The following CFAP92 variants were observed in gnomAD, a reference collection of about 807,000 sequenced individuals.
CFAP92 encodes cilia and flagella associated protein 92 (putative).
A neutral mutation model predicts 106.3 loss-of-function variants in CFAP92; 86 were observed. The observed-to-expected ratio is 0.81, with a 90% CI of 0.68 to 0.97. The LOEUF (loss-of-function observed/expected upper bound fraction) is 0.97. CFAP92 is among the 50% of genes least tolerant of loss of function. The pLI is 0.00. For synonymous variants in CFAP92, 477 were observed against 506.4 expected (o/e 0.94, Z 0.78); for missense variants, 1,204 against 1,283.8 (o/e 0.94, Z 0.95).
intron 9 of CFAP92, among the ~76,000 whole-genome samples, chr3:128,946,801 G>A (rs951265891): frequency 1.3e-5 from 2 of 151,998 alleles, no homozygotes; most frequent in Non-Finnish European, 2.9e-5. Context: ...CACAGAACAC[G>A]TAAAGACAAA....
intron 9 of CFAP92, among the ~76,000 whole-genome samples, chr3:128,956,184 T>TAAAAAAAAAAAAAAAAAA (rs369899266): frequency 4.1e-5 from 2 of 49,282 alleles, no homozygotes; most frequent in Non-Finnish European, 7.6e-5. Flanking sequence ...AAAAATAAAT[T>TAAAAAAAAAAAAAAAAAA]AAAAAAAAAA....
intron 15 of CFAP92, among the ~76,000 whole-genome samples, chr3:128,911,897 C>T (rs1411687496): frequency 1.3e-5 from 2 of 152,244 alleles, no homozygotes; most frequent in Admixed American, 1.3e-4. Context: ...AGGCCTTGGC[C>T]TAGAGAACAG....
Position 128,945,588 on chromosome 3 carries a change from T to G in CFAP92, c.1741A>C (p.Asn581His). 1 of 1,536,106 alleles carries G rather than the reference T, an allele frequency of 6.5e-7. No homozygotes were observed. Among genetic ancestry groups the G allele is most frequent in the South Asian group, 1.2e-5 (1 of 84,060 alleles). ...CAGCTGTGGATGGGGACGGCCAGAT[T>G]CAAGTACTTGTGGCCAAGGAGGAGG... ...ADLLLGHKYL[N>H]LAVPIHSCEV... is the part of the protein sequence containing the mutation. Residue 581 changes from asparagine to histidine, a missense_variant, in exon 10 of 16, where the codon AAT becomes CAT. By Grantham distance (68) the Asn-to-His change is moderately conservative. Transcript: ENST00000645291.
At chr3:129,002,029 G>A in intron 1 of CFAP92, 3 of 1,544,200 alleles carry the variant, frequency 1.9e-6, no homozygotes, top group Non-Finnish European at 2.6e-6. Context: ...CTGGCGCTGC[G>A]CGCCGAGCCG....
the CFAP92 span, among the ~76,000 whole-genome samples, chr3:129,011,144 G>A: frequency 1.3e-5 from 2 of 152,214 alleles, no homozygotes; most frequent in African/African-American, 2.4e-5. Context: ...CAGCTCATCT[G>A]TAAAATGAGA....
intron 9 of CFAP92, among the ~76,000 whole-genome samples, chr3:128,964,418 A>G (rs1942204270): frequency 6.6e-6 from 1 of 152,166 alleles, no homozygotes; most frequent in Non-Finnish European, 1.5e-5. Context: ...TTGTCTAGTC[A>G]TACTCCTATT....
intron 1 of CFAP92, chr3:129,001,660 G>A: frequency 3.5e-6 from 5 of 1,414,776 alleles, no homozygotes; most frequent in Admixed American, 2.8e-5. Flanking sequence ...GCGGAGGCCG[G>A]CATGGAGGGC....
intron 7 of CFAP92, among the ~76,000 whole-genome samples, chr3:128,974,263 T>C (rs972610331): frequency 1.3e-5 from 2 of 152,146 alleles, no homozygotes; most frequent in African/African-American, 4.8e-5. Context: ...GAGGAAATGA[T>C]CTGTAGCAAT....
intron 2 of CFAP92, among the ~76,000 whole-genome samples, chr3:128,990,241 A>G (rs1023701792): frequency 2.0e-5 from 3 of 152,264 alleles, no homozygotes; most frequent in African/African-American, 7.2e-5. Flanking sequence ...TCATGCCTGT[A>G]ATCCTAGCAC....
At chr3:128,934,250 A>C (rs1489888360) in intron 11 of CFAP92, among the ~76,000 whole-genome samples, 1 of 152,080 alleles carries the variant, frequency 6.6e-6, no homozygotes, top group Non-Finnish European at 1.5e-5. Context: ...GAATGGTGAG[A>C]CCCTGGTTGC....
At position 128,999,577 on chromosome 3, in the gene CFAP92, C is replaced by T. The variant is rs931469778; in HGVS notation, n.117+2997G>A. 7.9e-5 allele frequency among the ~76,000 whole-genome samples: 10 copies of T among 126,962 alleles called. No individual in the cohort carries two copies. The South Asian group carries it at 9.7e-4, about 12-fold the overall frequency. 83.3% of individuals were successfully genotyped at this position (126,962 alleles called of 152,430 possible). ...TTTTTGAGACGGAGTCTCGCTCTGT[C>T]GCCCAGGCTGGAGTGCAATGGCAGG... is the stretch of plus-strand genomic sequence containing the variant. On this transcript the variant is annotated intron_variant and non_coding_transcript_variant, in intron 1 of 4. Transcript: ENST00000510149.
intron 10 of CFAP92, among the ~76,000 whole-genome samples, chr3:128,939,890 G>C (rs1380313440): frequency 6.6e-6 from 1 of 152,216 alleles, no homozygotes; most frequent in Non-Finnish European, 1.5e-5. Flanking sequence ...TCTGACAGGT[G>C]GCGAAGCTCA....
At chr3:129,018,719 C>T in the CFAP92 span, among the ~76,000 whole-genome samples, 10 of 152,222 alleles carry the variant, frequency 6.6e-5, no homozygotes, top group African/African-American at 1.2e-4. Flanking sequence ...TGTTCCCACA[C>T]GCCTTCCTGC....
chr3:128,970,608 A>G (rs1311235547), intron 8 of CFAP92: 1 of 152,280 alleles, frequency 6.6e-6, no homozygotes, highest in Non-Finnish European at 1.5e-5. Flanking sequence ...TCATCAAAAC[A>G]TATTGATATA....
chr3:128,933,946 G>A (rs1158340174), intron 11 of CFAP92, among the ~76,000 whole-genome samples: 1 of 152,096 alleles, frequency 6.6e-6, no homozygotes, highest in African/African-American at 2.4e-5. Flanking sequence ...GCTAGGGCCA[G>A]ACCTGTTGCT....
chr3:128,965,192 TTG>T (rs1942278767), intron 9 of CFAP92, among the ~76,000 whole-genome samples: 1 of 152,184 alleles, frequency 6.6e-6, no homozygotes, highest in Non-Finnish European at 1.5e-5. Flanking sequence ...AGAATGTACT[TTG>T]TGAGATCCAC....
rs1941224032 is a variant in CFAP92 at position 128,954,924 on chromosome 3, C to T, written c.1354-8949G>A. Among the ~76,000 whole-genome samples the T allele has an allele frequency of 7.7e-5, 2 of 25,820 alleles. 1 individual carries two copies. Among genetic ancestry groups the T allele is most frequent in the Non-Finnish European group, 1.2e-4 (2 of 17,160 alleles). 16.9% of individuals were successfully genotyped at this position (25,820 alleles called of 152,430 possible). On this transcript the variant is annotated intron_variant, in intron 9 of 15. Transcript: ENST00000645291. ...CCGTCCGGGAGGGAGGTGGGGGTGT[C>T]GGCCCCCCGCCCGGCCAGCCGCCCC... is the stretch of plus-strand genomic sequence containing the variant.
At chr3:128,935,668 C>T (rs748422345) in intron 10 of CFAP92, among the ~76,000 whole-genome samples, 31 of 152,034 alleles carry the variant, frequency 2.0e-4, no homozygotes, top group Non-Finnish European at 4.1e-4. Flanking sequence ...GCCAAGATCG[C>T]GACATTGCAC....
rs1270830482 is a variant in CFAP92 at position 128,945,646 on chromosome 3, G to T, written c.1683C>A (p.Tyr561Ter). Residue 561 changes from tyrosine to a stop codon, truncating the protein, a stop_gained, in exon 10 of 16, where the codon TAC (tyrosine) becomes TAA (stop). Coordinates refer to ENST00000645291, the MANE Select transcript of CFAP92 (RefSeq NM_001394090.1). LOFTEE classifies it high-confidence loss of function. ...NPFESQNKMW[Y>*]PYGIAQVSFA... The stretch of plus-strand genomic sequence containing the variant: ...AACTGACCTGGGCGATGCCATAAGG[G>T]TACCACATCTTGTTCTGGGACTCAA... 15 of 1,536,144 alleles carry T rather than the reference G, an allele frequency of 9.8e-6. No individual in the cohort carries two copies. The East Asian group carries it at 3.7e-4, about 38-fold the overall frequency.
Sources: gnomAD v4.1 joint callset for allele counts (sites outside exome capture counted in the v4.1 genomes callset) on GRCh38, gnomAD v4.1.1 for gene constraint, MANE v1.5 for transcripts, NCBI Gene and HGNC (gene_info 2026-07-23, HGNC 2026-07-21) for gene names.